Variants in ZNF235 observed in about 807,000 individuals in gnomAD.
ZNF235 encodes zfp-93.
ZNF235 carries 25 observed loss-of-function variants against 29.4 expected under a neutral mutation model. The ratio of observed to expected loss-of-function variants is 0.85; its 90% CI spans 0.62 to 1.19. ZNF235 has a LOEUF of 1.19. Ranked by LOEUF, ZNF235 falls within the 50% of genes most tolerant of loss-of-function variation. The pLI, the probability that ZNF235 is intolerant of heterozygous loss-of-function variation, is 0.00. For missense variants in ZNF235, 788 were observed against 885.0 expected (o/e 0.89, Z 1.39); for synonymous variants, 300 against 295.3 (o/e 1.02, Z -0.16).
Position 44,298,807 on chromosome 19 carries a change from C to T in ZNF235, c.238+1G>A, listed in dbSNP as rs755917818. 1.2e-6 allele frequency: 2 copies of T among 1,610,554 alleles called. No individual in the cohort carries two copies. Among genetic ancestry groups the T allele is most frequent in the Admixed American group, 3.3e-5 (2 of 60,000 alleles). On this transcript the variant is annotated splice_donor_variant, in intron 4 of 4. Coordinates refer to ENST00000291182, the MANE Select transcript of ZNF235 (RefSeq NM_004234.4). LOFTEE classifies it high-confidence loss of function. ...TACGATTCCGGCTGCACAGTACTCACCTGAATGCTTACCTCTTTGGGTTTG... is the reference window on the plus strand; with the variant it reads ...TACGATTCCGGCTGCACAGTACTCATCTGAATGCTTACCTCTTTGGGTTTG...
In ZNF235 at chr19:44,287,238, G is replaced by T; in HGVS notation, c.2197C>A (p.His733Asn). The change falls in exon 5 of 5, where the codon CAC becomes AAC. Residue 733 changes from histidine (H) to asparagine (N), a missense_variant. His to Asn is a moderately conservative substitution (Grantham distance 68). Transcript: ENST00000291182. ...RSHLIYHQRV[H>N]TGGNL is the part of the protein sequence containing the mutation. ...CATTTCTACAGATTCCCTCCAGTGTGGACTCTCTGATGGTAGATGAGATGT... is the reference window on the plus strand; with the variant it reads ...CATTTCTACAGATTCCCTCCAGTGTTGACTCTCTGATGGTAGATGAGATGT... The T allele has an allele frequency of 6.2e-7, 1 of 1,605,726 alleles. No homozygotes were observed. The highest frequency in any genetic ancestry group is 8.5e-7 in the Non-Finnish European group (1 of 1,175,028).
At chr19:44,296,581 A>G (rs1975657306) in intron 4 of ZNF235, among the ~76,000 whole-genome samples, 1 of 152,154 alleles carries the variant, frequency 6.6e-6, no homozygotes, top group African/African-American at 2.4e-5. Context: ...GACATAAGCA[A>G]TTTTAGAATT....
chr19:44,287,184 G>A lies in ZNF235; in HGVS notation c.*34C>T. On this transcript the variant is annotated 3_prime_UTR_variant, in exon 5 of 5. Transcript: ENST00000291182. ...CTTCCCAACGGAGACAAAGATGTGA[G>A]CTCTAACTGAAGGCTGAACCACACC... The A allele has an allele frequency of 6.5e-7, 1 of 1,535,202 alleles. No homozygotes were observed. Among genetic ancestry groups the A allele is most frequent in the Non-Finnish European group, 8.8e-7 (1 of 1,140,956 alleles).
At position 44,288,064 on chromosome 19, in the gene ZNF235, T is replaced by C. The variant is rs1975520044; in HGVS notation, c.1371A>G (p.Lys457=). The C allele has an allele frequency of 6.2e-7, 1 of 1,614,046 alleles. No homozygotes were observed. The highest frequency in any genetic ancestry group is 1.1e-5 in the South Asian group (1 of 91,068). The change falls in exon 5 of 5, where the codon AAA becomes AAG. Residue 457 remains lysine (K), a synonymous_variant. Transcript: ENST00000291182. ...TACCACACTCATCACATTTGTATGG[T>C]TTTTCTTCAGTGTGGACTCTCTGAT... The part of the protein sequence containing the change: ...HTHQRVHTEE[K]PYKCDECGKC...
In ZNF235 at chr19:44,304,958, G is replaced by C. The variant is rs757981046; in HGVS notation, c.-49+13C>G. 1.1e-5 allele frequency: 11 copies of C among 985,014 alleles called. No homozygotes were observed. The highest frequency in any genetic ancestry group is 1.3e-5 in the Non-Finnish European group (11 of 829,550). 61.0% of individuals were successfully genotyped at this position (985,014 alleles called of 1,614,324 possible). A position where few individuals can be genotyped will look rare whatever the true frequency, so the allele number is the denominator to read the frequency against. ...GGGCTCGGAGAAGTCTTGGAGACCC[G>C]GAGCTGACTCACCTCCCTGGGAGAT... is the stretch of plus-strand genomic sequence containing the variant. On this transcript the variant is annotated intron_variant, in intron 1 of 4. Transcript: ENST00000291182.
rs1599885836 is a variant in ZNF235 at position 44,288,438 on chromosome 19, T to G, written c.997A>C (p.Asn333His). 4 of 1,614,184 alleles carry G rather than the reference T, an allele frequency of 2.5e-6. No homozygotes were observed. Among genetic ancestry groups the G allele is most frequent in the Non-Finnish European group, 3.4e-6 (4 of 1,180,000 alleles). The stretch of plus-strand genomic sequence containing the variant: ...TGGACTCTCTGATGAGTTTGCAGAT[T>G]TGAGCTCTGACTGAAACCTTTACCA... The part of the protein sequence containing the change: ...ECGKGFSQSS[N>H]LQTHQRVHTG... The change falls in exon 5 of 5, where the codon AAT (asparagine) becomes CAT (histidine). Residue 333 changes from asparagine (N) to histidine (H), a missense_variant. Asn to His is a moderately conservative substitution (Grantham distance 68). Transcript: ENST00000291182.
intron 4 of ZNF235, among the ~76,000 whole-genome samples, chr19:44,296,457 G>A (rs999489010): frequency 1.3e-5 from 2 of 152,150 alleles, no homozygotes; most frequent in Non-Finnish European, 2.9e-5. Context: ...AGAAAAAGAT[G>A]TAAAATGAAT....
Position 44,288,260 on chromosome 19 carries a change from A to G in ZNF235, c.1175T>C (p.Ile392Thr). The change falls in exon 5 of 5, where the codon ATT (isoleucine) becomes ACT (threonine). Residue 392 changes from isoleucine to threonine, a missense_variant. Coordinates refer to ENST00000291182, the MANE Select transcript of ZNF235 (RefSeq NM_004234.4). ...CTCTCCAGTGTGAACTCTGCAATGAATGTTAAGATCTGTGCTACGACTGAA... is the reference window on the plus strand; with the variant it reads ...CTCTCCAGTGTGAACTCTGCAATGAGTGTTAAGATCTGTGCTACGACTGAA... ...KGFSRSTDLNIHCRVHTGEKP... is the reference protein window; with the variant it reads ...KGFSRSTDLNTHCRVHTGEKP... 6.2e-7 allele frequency: 1 copy of G among 1,613,858 alleles called. No individual in the cohort carries two copies. The highest frequency in any genetic ancestry group is 8.5e-7 in the Non-Finnish European group (1 of 1,179,952).
chr19:44,299,009 G>C, intron 3 of ZNF235, 106 bp from the exon 4 acceptor site: 1 of 691,498 alleles, frequency 1.4e-6, no homozygotes, highest in African/African-American at 1.8e-5. Flanking sequence ...AGCATGCAAT[G>C]TTTAGGGAAC....
At position 44,302,178 on chromosome 19, in the gene ZNF235, T is replaced by C. The variant is rs1336927150; in HGVS notation, c.15+1212A>G. 2.6e-5 allele frequency among the ~76,000 whole-genome samples: 4 copies of C among 152,088 alleles called. No individual in the cohort carries two copies. The East Asian group carries it at 7.7e-4, about 29-fold the overall frequency. On this transcript the variant is annotated intron_variant, in intron 2 of 4. Transcript: ENST00000291182. ...AAATGAGGTGCTGTGTATGAGAAAA[T>C]GAGTCTAAAACTTTAAAGATTAAAA...
chr19:44,298,789 C>T lies in ZNF235; in HGVS notation c.238+19G>A. 6.4e-7 allele frequency: 1 copy of T among 1,555,368 alleles called. No individual in the cohort carries two copies. Among genetic ancestry groups the T allele is most frequent in the Non-Finnish European group, 8.8e-7 (1 of 1,137,160 alleles). On this transcript the variant is annotated intron_variant, in intron 4 of 4. Coordinates refer to ENST00000291182, the MANE Select transcript of ZNF235 (RefSeq NM_004234.4). ...AAAATAACAGCTGTTAACTACGATT[C>T]CGGCTGCACAGTACTCACCTGAATG...
At chr19:44,302,722 C>G (rs990905340) in intron 2 of ZNF235, among the ~76,000 whole-genome samples, 2 of 148,618 alleles carry the variant, frequency 1.3e-5, no homozygotes, top group Non-Finnish European at 3.0e-5. Flanking sequence ...GCCTGGGAAA[C>G]AGGGTGAGAC....
intron 3 of ZNF235, 65 bp downstream of exon 3, chr19:44,299,541 C>A: frequency 6.3e-7 from 1 of 1,592,180 alleles, no homozygotes; most frequent in South Asian, 1.1e-5. Flanking sequence ...AATTATCTGG[C>A]CCAAAACATC....
chr19:44,304,939 G>A (rs1975809722), intron 1 of ZNF235, 32 bp downstream of exon 1: 1 of 985,464 alleles, frequency 1.0e-6, no homozygotes, highest in South Asian at 4.7e-5. Flanking sequence ...AAGAGGGCTC[G>A]GAGAAGTCTT....
Position 44,299,721 on chromosome 19 carries a change from T to C in ZNF235, c.27A>G (p.Thr9=). 6.2e-7 allele frequency: 1 copy of C among 1,614,078 alleles called. No individual in the cohort carries two copies. Among genetic ancestry groups the C allele is most frequent in the Non-Finnish European group, 8.5e-7 (1 of 1,179,962 alleles). MTKFQEAV[T]FKDVAVAFTE... is the part of the protein sequence containing the mutation. ...TGAAGGCCACAGCCACATCCTTGAA[T>C]GTCACTGCCTCCTAGAACATCAAGC... The change falls in exon 3 of 5, where the codon ACA becomes ACG. Residue 9 remains threonine, a synonymous_variant. Coordinates refer to ENST00000291182, the MANE Select transcript of ZNF235 (RefSeq NM_004234.4).
Position 44,303,427 on chromosome 19 carries a change from A to T in ZNF235, c.-23T>A. ...CATTTTTCCCCTCCTCCTTCTGGGAAAAGGCAGAGTTCCGGGGAAGTGAAC... is the reference window on the plus strand; with the variant it reads ...CATTTTTCCCCTCCTCCTTCTGGGATAAGGCAGAGTTCCGGGGAAGTGAAC... On this transcript the variant is annotated 5_prime_UTR_variant, in exon 2 of 5. Transcript: ENST00000291182. 6.2e-7 allele frequency: 1 copy of T among 1,609,722 alleles called. No individual in the cohort carries two copies. The highest frequency in any genetic ancestry group is 8.5e-7 in the Non-Finnish European group (1 of 1,177,392).
rs150475573 is a variant in ZNF235, at chr19:44,287,795, A to G, written c.1640T>C (p.Val547Ala). Residue 547 changes from valine to alanine, a missense_variant, in exon 5 of 5, where the codon GTG becomes GCG. Val to Ala is a moderately conservative substitution (Grantham distance 64, BLOSUM62 0). Transcript: ENST00000291182. ...HTGEKPYKCE[V>A]CGKRFNWSLN... ...GCTCCAATTGAAGCGCTTCCCACAC[A>G]CTTCACATTTGTATGGTTTTTCTCC... 1 of 1,612,486 alleles carries G rather than the reference A, an allele frequency of 6.2e-7. No homozygotes were observed.
chr19:44,288,034 G>A lies in ZNF235; in HGVS notation c.1401C>T (p.Cys467=). 5 of 1,613,800 alleles carry A rather than the reference G, an allele frequency of 3.1e-6. No individual in the cohort carries two copies. Among genetic ancestry groups the A allele is most frequent in the Non-Finnish European group, 4.2e-6 (5 of 1,179,936 alleles). ...TATGAAGATTAAAGCTCAAACTAAA[G>A]CACTTACCACACTCATCACATTTGT... ...KPYKCDECGK[C]FSLSFNLHSH... Residue 467 remains cysteine (C), a synonymous_variant, in exon 5 of 5, where the codon TGC becomes TGT. Coordinates refer to ENST00000291182, the MANE Select transcript of ZNF235 (RefSeq NM_004234.4).
intron 1 of ZNF235, 64 bp downstream of exon 1, chr19:44,304,907 T>A (rs1306047222): frequency 4.1e-6 from 4 of 985,382 alleles, no homozygotes; most frequent in Non-Finnish European, 4.8e-6. Flanking sequence ...GACGGGTTCA[T>A]TGCTGGCCCC....
Sources: allele counts gnomAD v4.1 joint callset (sites outside exome capture counted in the v4.1 genomes callset), GRCh38; gene constraint gnomAD v4.1.1; transcripts MANE v1.5; gene names NCBI Gene and HGNC (gene_info 2026-07-23, HGNC 2026-07-21).